The following CACNA1B variants were observed in gnomAD, a reference collection of about 807,000 sequenced individuals.
CACNA1B encodes voltage-dependent N-type calcium channel subunit alpha-1B.
A neutral mutation model predicts 247.2 loss-of-function variants in CACNA1B; 70 were observed. The observed-to-expected ratio is 0.28, with a 90% CI of 0.23 to 0.35. The LOEUF is 0.35. Ranked by LOEUF, CACNA1B falls within the 10% of genes least tolerant of loss-of-function variation. The pLI is 1.00. For synonymous variants in CACNA1B, 1,231 were observed against 1,294.4 expected (o/e 0.95, Z 1.05); for missense variants, 2,367 against 3,197.4 (o/e 0.74, Z 6.26).
At chr9:137,991,654 A>G (rs979503196) in intron 15 of CACNA1B, among the ~76,000 whole-genome samples, 16 of 152,232 alleles carry the variant, frequency 1.1e-4, no homozygotes, top group Non-Finnish European at 1.9e-4. Context: ...TGAAGTCAAG[A>G]TGAAGGAAAA....
chr9:138,025,396 C>A (rs924554065), intron 20 of CACNA1B, among the ~76,000 whole-genome samples: 1 of 152,222 alleles, frequency 6.6e-6, no homozygotes, highest in African/African-American at 2.4e-5. Context: ...TCCTTCCTTC[C>A]CAAAATATTT....
At chr9:137,988,895 A>C (rs1307110993) in intron 15 of CACNA1B, among the ~76,000 whole-genome samples, 1 of 152,172 alleles carries the variant, frequency 6.6e-6, no homozygotes, top group Non-Finnish European at 1.5e-5. Context: ...TAATTCCCAC[A>C]GGTGAATCTG....
chr9:138,004,642 C>T (rs1425559568), intron 15 of CACNA1B, among the ~76,000 whole-genome samples: 2 of 151,862 alleles, frequency 1.3e-5, no homozygotes, highest in Non-Finnish European at 2.9e-5. Context: ...TGGTACCTTC[C>T]TGTGCATGTT....
rs1223800366 is a variant in CACNA1B, at chr9:138,006,842, T to C, written c.2050T>C (p.Phe684Leu). 1 of 1,608,786 alleles carries C rather than the reference T, an allele frequency of 6.2e-7. No individual in the cohort carries two copies. The highest frequency in any genetic ancestry group is 2.2e-5 in the East Asian group (1 of 44,850). ...ESQGGVSKGM[F>L]SSFYFIVLTL... is the part of the protein sequence containing the mutation. ...GCAAGGCGGCGTCAGCAAAGGCATGTTCTCGTCCTTTTACTTCATTGTCCT... is the reference window on the plus strand; with the variant it reads ...GCAAGGCGGCGTCAGCAAAGGCATGCTCTCGTCCTTTTACTTCATTGTCCT... The change falls in exon 16 of 47, where the codon TTC becomes CTC. Residue 684 changes from phenylalanine to leucine, a missense_variant. Physicochemically the swap from Phe to Leu is conservative, Grantham distance 22. Transcript: ENST00000371372.
chr9:138,053,737 C>A, intron 25 of CACNA1B, 109 bp from the exon 26 acceptor site: 2 of 836,326 alleles, frequency 2.4e-6, no homozygotes, highest in Non-Finnish European at 4.0e-6. Flanking sequence ...TGGCTTCACC[C>A]CCTCATCGTG....
chr9:138,108,816 C>T (rs111815777), intron 39 of CACNA1B, among the ~76,000 whole-genome samples: 1 of 151,980 alleles, frequency 6.6e-6, no homozygotes, highest in African/African-American at 2.4e-5. Flanking sequence ...GCCTGGCTAA[C>T]TTTTTTGTAT....
chr9:138,072,715 C>T lies in CACNA1B; in HGVS notation c.4675-773C>T, dbSNP rs1314591109. On this transcript the variant is annotated intron_variant, in intron 32 of 46. Coordinates refer to ENST00000371372, the MANE Select transcript of CACNA1B (RefSeq NM_000718.4). The surrounding 1 kb of genome is among the most constrained non-coding windows in gnomAD (Gnocchi z 4.5). ...TGTGCCAGTACAGTAATTCAAGTGC[C>T]CTGGGGCCACGTGGAGGCTTTACTG... Among the ~76,000 whole-genome samples, 1 of 152,222 alleles carries T rather than the reference C, an allele frequency of 6.6e-6. No individual in the cohort carries two copies. Among genetic ancestry groups the T allele is most frequent in the Non-Finnish European group, 1.5e-5 (1 of 68,038 alleles).
chr9:138,078,369 G>A (rs191965532), intron 36 of CACNA1B, 111 bp downstream of exon 36: 4 of 1,104,832 alleles, frequency 3.6e-6, no homozygotes, highest in African/African-American at 3.1e-5. Context: ...CATGTCAGAA[G>A]CTGAGTCCAT....
At chr9:137,897,616 G>GCA (rs1957186941) in intron 3 of CACNA1B, among the ~76,000 whole-genome samples, 1 of 152,080 alleles carries the variant, frequency 6.6e-6, no homozygotes, top group South Asian at 2.1e-4. Context: ...TTGCTTCTTA[G>GCA]CACTACTTTA....
chr9:137,925,423 G>A (rs1443482835), intron 6 of CACNA1B, among the ~76,000 whole-genome samples: 5 of 152,178 alleles, frequency 3.3e-5, no homozygotes, highest in Non-Finnish European at 7.4e-5. Context: ...CTCTGGCCAC[G>A]TTTTGGGTGT....
In CACNA1B at chr9:137,881,013, C is replaced by T. The variant is rs536300293; in HGVS notation, c.391-1731C>T. Reference sequence around the variant, plus strand: ...AGCCAGCCTTCAGCCATGGGCTGGGCAGGGCAGAGCTGTGAGGAGAGGGCT... The same window carrying T: ...AGCCAGCCTTCAGCCATGGGCTGGGTAGGGCAGAGCTGTGAGGAGAGGGCT... On this transcript the variant is annotated intron_variant, in intron 2 of 46. Coordinates refer to ENST00000371372, the MANE Select transcript of CACNA1B (RefSeq NM_000718.4). The surrounding 1 kb of genome is among the most constrained non-coding windows in gnomAD (Gnocchi z 4.3). Among the ~76,000 whole-genome samples the T allele has an allele frequency of 5.3e-5, 8 of 152,340 alleles. No homozygotes were observed. Among genetic ancestry groups the T allele is most frequent in the Non-Finnish European group, 8.8e-5 (6 of 68,018 alleles).
At chr9:137,988,688 G>A (rs1958396481) in intron 15 of CACNA1B, among the ~76,000 whole-genome samples, 1 of 152,220 alleles carries the variant, frequency 6.6e-6, no homozygotes, top group African/African-American at 2.4e-5. Flanking sequence ...CAGGCACCAG[G>A]ACATGGCTTG....
chr9:138,003,665 T>A (rs1053556496), intron 15 of CACNA1B, among the ~76,000 whole-genome samples: 3 of 150,732 alleles, frequency 2.0e-5, no homozygotes, highest in African/African-American at 7.3e-5. Context: ...GTCTCAAAAG[T>A]CAGTAAGAAA....
intron 42 of CACNA1B, among the ~76,000 whole-genome samples, chr9:138,115,901 C>T (rs1237749082): frequency 6.6e-6 from 1 of 152,258 alleles, no homozygotes; most frequent in East Asian, 1.9e-4. Flanking sequence ...CATCTCAGTT[C>T]TCAGGGGCTG....
In CACNA1B at chr9:138,122,002, G is replaced by C; in HGVS notation, c.*3G>C. 1 of 1,594,762 alleles carries C rather than the reference G, an allele frequency of 6.3e-7. No homozygotes were observed. Among genetic ancestry groups the C allele is most frequent in the Non-Finnish European group, 8.5e-7 (1 of 1,176,672 alleles). ...CTGACCAAGACCACTGGTGCTAGCT[G>C]CACCGTGACCGCTCAGACGCCTGCA... On this transcript the variant is annotated 3_prime_UTR_variant, in exon 47 of 47. Coordinates refer to ENST00000371372, the MANE Select transcript of CACNA1B (RefSeq NM_000718.4).
At chr9:137,951,833 G>A (rs1957880948) in intron 6 of CACNA1B, among the ~76,000 whole-genome samples, 1 of 152,208 alleles carries the variant, frequency 6.6e-6, no homozygotes, top group Non-Finnish European at 1.5e-5. Context: ...ATGTGGACTT[G>A]GGTCTGATGT....
rs200719516 is a variant in CACNA1B, at chr9:138,118,683, G to A, written c.5945G>A (p.Arg1982Gln). The change falls in exon 44 of 47, where the codon CGG becomes CAG. Residue 1982 changes from arginine to glutamine, a missense_variant. Transcript: ENST00000371372. ...GACGTTCAGATGCAGAGCATAACCC[G>A]GAGGGGCCCTGATGGGGAGCCCCAG... ...AVDVQMQSITRRGPDGEPQPG... is the reference protein window; with the variant it reads ...AVDVQMQSITQRGPDGEPQPG... 8.8e-5 allele frequency: 138 copies of A among 1,564,624 alleles called. 2 individuals carry two copies. Among genetic ancestry groups the A allele is most frequent in the South Asian group, 8.6e-4 (73 of 85,076 alleles).
chr9:138,075,217 A>G lies in CACNA1B; in HGVS notation c.4858-602A>G, dbSNP rs140611739. Among the ~76,000 whole-genome samples, 658 of 152,330 alleles carry G rather than the reference A, an allele frequency of 4.3e-3. 5 individuals carry two copies. The highest frequency in any genetic ancestry group is 0.014 in the African/African-American group (592 of 41,582). The stretch of plus-strand genomic sequence containing the variant: ...TTGCTTTAAAATTTGCAGAGATCTG[A>G]TGCTGTTTAAATAAATACATCTTTT... On this transcript the variant is annotated intron_variant, in intron 34 of 46. Coordinates refer to ENST00000371372, the MANE Select transcript of CACNA1B (RefSeq NM_000718.4).
At chr9:137,924,146 A>T (rs891852488) in intron 6 of CACNA1B, among the ~76,000 whole-genome samples, 4 of 151,538 alleles carry the variant, frequency 2.6e-5, no homozygotes, top group African/African-American at 7.3e-5. Flanking sequence ...CCTTTTGTGG[A>T]TTGGGCTTTT....
Sources: gnomAD v4.1 joint callset for allele counts (sites outside exome capture counted in the v4.1 genomes callset) on GRCh38, gnomAD v4.1.1 for gene constraint, Gnocchi (gnomAD v3.1) non-coding constraint, MANE v1.5 for transcripts, NCBI Gene and HGNC (gene_info 2026-07-23, HGNC 2026-07-21) for gene names.